Variants in SV2A observed in about 807,000 individuals in gnomAD.
SV2A encodes the protein synaptic vesicle glycoprotein 2A.
Under a neutral mutation model 78.0 loss-of-function variants are expected in SV2A, and 25 were observed. The observed-to-expected ratio is 0.32, with a 90% CI of 0.23 to 0.45. The LOEUF (loss-of-function observed/expected upper bound fraction) is 0.45, where lower values mean the gene tolerates loss of function less well. Ranked by LOEUF, SV2A falls within the 20% of genes least tolerant of loss-of-function variation. SV2A has a pLI of 1.00. For missense variants in SV2A, 752 were observed against 971.5 expected (o/e 0.77, Z 3.00); for synonymous variants, 355 against 384.7 (o/e 0.92, Z 0.90).
At chr1:149,909,953 C>T in intron 5 of SV2A, 63 bp from the exon 6 acceptor site, 2 of 1,481,720 alleles carry the variant, frequency 1.3e-6, no homozygotes, top group Non-Finnish European at 9.4e-7. Context: ...AGTTATAGAC[C>T]CCCTCCCTCC....
At chr1:149,911,274 G>C (rs2101621531) in intron 3 of SV2A, among the ~76,000 whole-genome samples, 1 of 152,330 alleles carries the variant, frequency 6.6e-6, no homozygotes, top group South Asian at 2.1e-4. Flanking sequence ...AATCTCCAGA[G>C]AAAAAAGACA....
At chr1:149,907,039 A>G (rs1053334087) in intron 10 of SV2A, 183 bp from the exon 11 acceptor site, 36 of 1,415,330 alleles carry the variant, frequency 2.5e-5, no homozygotes, top group Middle Eastern at 2.5e-4. Flanking sequence ...TTTAGAGCAG[A>G]AAATGACCAT....
In SV2A at chr1:149,913,688, C is replaced by T; in HGVS notation, c.153G>A (p.Glu51=). The T allele has an allele frequency of 1.2e-6, 2 of 1,614,192 alleles. No individual in the cohort carries two copies. The highest frequency in any genetic ancestry group is 1.7e-6 in the Non-Finnish European group (2 of 1,180,034). The change falls in exon 2 of 13, where the codon GAG becomes GAA. Residue 51 remains glutamate, a synonymous_variant. Transcript: ENST00000369146. ...CAGGGAAGTCATCATCATCATCCTC[C>T]TCCTCAAAGCGGGAGTACGATCTTC... The part of the protein sequence containing the change: ...YSRRSYSRFE[E]EDDDDDFPAP...
Position 149,904,808 on chromosome 1 carries a change from C to G in SV2A, c.*206G>C. ...GGAAATGGGGAGTACAGCTTCATCT[C>G]AAAACTGGGATGAAGGAGCCTTCCC... On this transcript the variant is annotated 3_prime_UTR_variant, in exon 13 of 13. Coordinates refer to ENST00000369146, the MANE Select transcript of SV2A (RefSeq NM_014849.5). 5.4e-6 allele frequency: 3 copies of G among 554,366 alleles called. No individual in the cohort carries two copies. The highest frequency in any genetic ancestry group is 9.5e-6 in the Non-Finnish European group (3 of 317,068). The allele number at this position is 554,366 out of a possible 1,614,324, so 34.3% of individuals were successfully genotyped here. A position where few individuals can be genotyped will look rare whatever the true frequency, so the allele number is the denominator to read the frequency against.
chr1:149,913,323 C>T lies in SV2A; in HGVS notation c.518G>A (p.Gly173Asp). 6.2e-7 allele frequency: 1 copy of T among 1,614,202 alleles called. No individual in the cohort carries two copies. Among genetic ancestry groups the T allele is most frequent in the Non-Finnish European group, 8.5e-7 (1 of 1,180,030 alleles). ...RFQWTLYFVL[G>D]LALMADGVEV... is the part of the protein sequence containing the mutation. ...CACACCGTCAGCCATCAGCGCCAGA[C>T]CAAGCACAAAATACAGTGTCCACTG... Residue 173 changes from glycine (G) to aspartate (D), a missense_variant, in exon 2 of 13, where the codon GGT becomes GAT. Coordinates refer to ENST00000369146, the MANE Select transcript of SV2A (RefSeq NM_014849.5).
rs782053253 is a variant in SV2A, at chr1:149,913,493, C to T, written c.348G>A (p.Gly116=). 1 of 1,613,632 alleles carries T rather than the reference C, an allele frequency of 6.2e-7. No homozygotes were observed. Among genetic ancestry groups the T allele is most frequent in the Admixed American group, 1.7e-5 (1 of 59,994 alleles). ...SGGKGERMAD[G]APLAGVRGGL... ...CCCCCCTTACTCCAGCCAGGGGCGC[C>T]CCATCTGCCATCCGCTCGCCTTTGC... is the stretch of plus-strand genomic sequence containing the variant. Residue 116 remains glycine, a synonymous_variant, in exon 2 of 13, where the codon GGG becomes GGA. Coordinates refer to ENST00000369146, the MANE Select transcript of SV2A (RefSeq NM_014849.5).
intron 12 of SV2A, chr1:149,905,446 T>A: frequency 2.4e-6 from 1 of 408,776 alleles, no homozygotes; most frequent in South Asian, 5.8e-5. Context: ...AGCTACCAGA[T>A]TTTTTTTTCC....
rs1170679184 is a variant in SV2A at position 149,909,214 on chromosome 1, C to T, written c.1357G>A (p.Val453Met). The change falls in exon 8 of 13, where the codon GTG (valine) becomes ATG (methionine). Residue 453 changes from valine to methionine, a missense_variant. By Grantham distance (21) the Val-to-Met change is conservative. This residue lies in a region of SV2A where 10 missense variants were observed against 31.1 expected (regional missense o/e 0.32). Transcript: ENST00000369146. ...CACCTGAATGACATGGTGAACCACA[C>T]ACCCATCATCATCAGAGTGATGCGC... ...YRRITLMMMG[V>M]WFTMSFSYYG... 6.2e-7 allele frequency: 1 copy of T among 1,613,958 alleles called. No individual in the cohort carries two copies. Among genetic ancestry groups the T allele is most frequent in the Admixed American group, 1.7e-5 (1 of 60,004 alleles).
rs782157459 is a variant in SV2A, at chr1:149,913,416, C to T, written c.425G>A (p.Arg142Gln). The T allele has an allele frequency of 1.1e-5, 17 of 1,613,952 alleles. No individual in the cohort carries two copies. Among genetic ancestry groups the T allele is most frequent in the African/African-American group, 5.3e-5 (4 of 74,868 alleles). ...TTGGGCCAGTTCTTCTCGTTCTTTC[C>T]GTCGTTGTGCCTCCCCCCGGCCCCC... is the stretch of plus-strand genomic sequence containing the variant. The part of the protein sequence containing the change: ...PPGGRGEAQR[R>Q]KEREELAQQY... Residue 142 changes from arginine to glutamine, a missense_variant, in exon 2 of 13, where the codon CGG (arginine) becomes CAG (glutamine). Coordinates refer to ENST00000369146, the MANE Select transcript of SV2A (RefSeq NM_014849.5).
In SV2A at chr1:149,914,050, T is replaced by C; in HGVS notation, c.-210A>G. 1 of 646,332 alleles carries C rather than the reference T, an allele frequency of 1.5e-6. No individual in the cohort carries two copies. Among genetic ancestry groups the C allele is most frequent in the Non-Finnish European group, 2.4e-6 (1 of 409,586 alleles). 40.0% of individuals were successfully genotyped at this position (646,332 alleles called of 1,614,324 possible). A position where few individuals can be genotyped will look rare whatever the true frequency, so the allele number is the denominator to read the frequency against. On this transcript the variant is annotated 5_prime_UTR_variant, in exon 2 of 13. Transcript: ENST00000369146. ...AAGGAAGGAGAGGAGCTTTGACCTATACCCAGTTCAGTTGGGTGGATGGGG... is the reference window on the plus strand; with the variant it reads ...AAGGAAGGAGAGGAGCTTTGACCTACACCCAGTTCAGTTGGGTGGATGGGG...
chr1:149,907,758 T>A lies in SV2A; in HGVS notation c.1620A>T (p.Thr540=). The A allele has an allele frequency of 6.2e-7, 1 of 1,614,220 alleles. No individual in the cohort carries two copies. The change falls in exon 10 of 13, where the codon ACA becomes ACT. Residue 540 remains threonine (T), a synonymous_variant. Transcript: ENST00000369146. ...LFEECYFEDV[T]SSNTFFRNCT... The stretch of plus-strand genomic sequence containing the variant: ...AGTTGCGGAAAAACGTGTTGCTGGA[T>A]GTGACATCCTCAAAATAACACTCTT...
At chr1:149,907,292 C>T (rs1247539172) in intron 10 of SV2A, among the ~76,000 whole-genome samples, 2 of 152,154 alleles carry the variant, frequency 1.3e-5, no homozygotes, top group African/African-American at 2.4e-5. Flanking sequence ...ACCAGCATTT[C>T]GTGTGCATAT....
chr1:149,909,872 C>A lies in SV2A; in HGVS notation c.1108G>T (p.Ala370Ser), dbSNP rs1271552709. The A allele has an allele frequency of 1.2e-6, 2 of 1,614,070 alleles. No homozygotes were observed. The highest frequency in any genetic ancestry group is 1.7e-6 in the Non-Finnish European group (2 of 1,180,010). Residue 370 changes from alanine to serine, a missense_variant, in exon 6 of 13, where the codon GCC becomes TCC. Coordinates refer to ENST00000369146, the MANE Select transcript of SV2A (RefSeq NM_014849.5). ...FFLENGKHDE[A>S]WMVLKQVHDT... ...TGGACCTGCTTCAGCACCATCCAGG[C>A]CTCATCATGCTTTCCATTCTAGAGC... is the stretch of plus-strand genomic sequence containing the variant.
At chr1:149,915,044 C>G (rs888910942) in intron 1 of SV2A, among the ~76,000 whole-genome samples, 1 of 152,134 alleles carries the variant, frequency 6.6e-6, no homozygotes, top group Non-Finnish European at 1.5e-5. Flanking sequence ...AAGCACATGA[C>G]TGTTAGGGGT....
At chr1:149,912,831 A>C (rs1432353811) in intron 2 of SV2A, among the ~76,000 whole-genome samples, 4 of 149,834 alleles carry the variant, frequency 2.7e-5, no homozygotes, top group East Asian at 2.0e-4. Context: ...ATTTATACCA[A>C]GGAGTTTGGA....
Position 149,907,755 on chromosome 1 carries a change from G to A in SV2A, c.1623C>T (p.Ser541=), listed in dbSNP as rs202203765. ...FEECYFEDVT[S]SNTFFRNCTF... is the part of the protein sequence containing the mutation. ...TGCAGTTGCGGAAAAACGTGTTGCTGGATGTGACATCCTCAAAATAACACT... is the reference window on the plus strand; with the variant it reads ...TGCAGTTGCGGAAAAACGTGTTGCTAGATGTGACATCCTCAAAATAACACT... The change falls in exon 10 of 13, where the codon TCC becomes TCT. Residue 541 remains serine, a synonymous_variant. Transcript: ENST00000369146. The A allele has an allele frequency of 3.7e-6, 6 of 1,614,180 alleles. No individual in the cohort carries two copies. Among genetic ancestry groups the A allele is most frequent in the East Asian group, 4.5e-5 (2 of 44,888 alleles).
In SV2A at chr1:149,905,626, A is replaced by G. The variant is rs1204426115; in HGVS notation, c.2045+254T>C. On this transcript the variant is annotated intron_variant, in intron 12 of 12. Coordinates refer to ENST00000369146, the MANE Select transcript of SV2A (RefSeq NM_014849.5). ...CCAGCTAACTTTTTGTATTTTTAGT[A>G]CAGACAGGGTTTCACCATGTTGGCC... 8 of 413,410 alleles carry G rather than the reference A, an allele frequency of 1.9e-5. No homozygotes were observed. In the Admixed American group the frequency reaches 3.1e-4, roughly 16 times the overall value. The allele number at this position is 413,410 out of a possible 1,614,324, so 25.6% of individuals were successfully genotyped here. A position where few individuals can be genotyped will look rare whatever the true frequency, so the allele number is the denominator to read the frequency against.
rs1269173090 is a variant in SV2A, at chr1:149,910,958, T to C, written c.823A>G (p.Ile275Val). The change falls in exon 4 of 13, where the codon ATT (isoleucine) becomes GTT (valine). Residue 275 changes from isoleucine (I) to valine (V), a missense_variant. Physicochemically the swap from Ile to Val is conservative, Grantham distance 29. Around this residue, in one of 7 missense-constraint regions of SV2A, gnomAD observed 5 missense variants for 29.0 expected, o/e 0.17. Transcript: ENST00000369146. This position sits in a 1 kb window ranked among gnomAD's most constrained non-coding sequence, Gnocchi z 4.2. Reference protein sequence around the residue: ...SGVGIGGSIPIVFSYFSEFLA... With the variant: ...SGVGIGGSIPVVFSYFSEFLA... ...AACTCGGAGAAATAGGAGAAGACAA[T>C]GGGGATGGACCCTCCAATCCTGAAG... The C allele has an allele frequency of 1.9e-6, 3 of 1,613,790 alleles. No individual in the cohort carries two copies. The highest frequency in any genetic ancestry group is 2.7e-5 in the African/African-American group (2 of 74,874).
Position 149,910,706 on chromosome 1 carries a change from G to A in SV2A, c.956-3C>T. The stretch of plus-strand genomic sequence containing the variant: ...AGAACCCATCTGAAAACTCCACCCT[G>A]GTAGGGAGAAAGTGACAGCATCAGC... On this transcript the variant is annotated splice_polypyrimidine_tract_variant and splice_region_variant and intron_variant, in intron 4 of 12. Coordinates refer to ENST00000369146, the MANE Select transcript of SV2A (RefSeq NM_014849.5). This position sits in a 1 kb window ranked among gnomAD's most constrained non-coding sequence, Gnocchi z 4.2. 6.2e-7 allele frequency: 1 copy of A among 1,613,846 alleles called. No homozygotes were observed. Among genetic ancestry groups the A allele is most frequent in the Non-Finnish European group, 8.5e-7 (1 of 1,179,870 alleles).
Sources: gnomAD v4.1 joint callset for allele counts (sites outside exome capture counted in the v4.1 genomes callset) on GRCh38, gnomAD v4.1.1 for gene constraint, gnomAD v4.1.1 regional missense constraint, Gnocchi (gnomAD v3.1) non-coding constraint, MANE v1.5 for transcripts, NCBI Gene and HGNC (gene_info 2026-07-23, HGNC 2026-07-21) for gene names.